LMNB1: variants seen among roughly 807,000 people sequenced by gnomAD.
The protein encoded by LMNB1 is lamin-B1.
A neutral mutation model predicts 67.1 loss-of-function variants in LMNB1; 23 were observed. That is an observed-to-expected ratio of 0.34 (90% CI 0.25 to 0.49). The LOEUF is 0.49. LMNB1 is among the 20% of genes least tolerant of loss of function. The pLI is 0.99. For missense variants in LMNB1, 634 were observed against 746.5 expected, an observed-to-expected ratio of 0.85 and a Z score of 1.76; for synonymous variants, 281 against 282.9, an observed-to-expected ratio of 0.99 and a Z score of 0.07.
chr5:126,800,982 A>ATTTTTTTTT (rs57114367), intron 1 of LMNB1, among the ~76,000 whole-genome samples: 282 of 18,558 alleles, frequency 0.015, 4 homozygotes, highest in East Asian at 0.026. Flanking sequence ...TATATATATA[A>ATTTTTTTTT]TTTTTTTTTT....
intron 6 of LMNB1, among the ~76,000 whole-genome samples, chr5:126,819,459 A>ACTAT (rs1554114883): frequency 9.8e-5 from 14 of 142,806 alleles, no homozygotes; most frequent in Non-Finnish European, 1.7e-4. Context: ...GACTTTACAT[A>ACTAT]TTATTTATTT....
chr5:126,832,830 T>C, intron 10 of LMNB1, 29 bp downstream of exon 10: 1 of 1,395,290 alleles, frequency 7.2e-7, no homozygotes, highest in Non-Finnish European at 9.7e-7. Context: ...AATATATTTA[T>C]TTCAAATTTT....
Position 126,777,674 on chromosome 5 carries a change from G to T in LMNB1, c.166G>T (p.Glu56Ter). The T allele has an allele frequency of 6.5e-7, 1 of 1,545,228 alleles. No individual in the cohort carries two copies. Among genetic ancestry groups the T allele is most frequent in the Non-Finnish European group, 8.7e-7 (1 of 1,144,966 alleles). Reference sequence around the variant, plus strand: ...CGACAAGGTGCGCAGCCTGGAGACGGAGAACAGCGCGCTGCAGCTGCAGGT... The same window carrying T: ...CGACAAGGTGCGCAGCCTGGAGACGTAGAACAGCGCGCTGCAGCTGCAGGT... ...YIDKVRSLET[E>*]NSALQLQVTE... Residue 56 changes from glutamate (E) to a stop codon, truncating the protein, a stop_gained, in exon 1 of 11, where the codon GAG becomes TAG. Coordinates refer to ENST00000261366, the MANE Select transcript of LMNB1 (RefSeq NM_005573.4). LOFTEE classifies it high-confidence loss of function.
intron 5 of LMNB1, among the ~76,000 whole-genome samples, chr5:126,812,368 A>G (rs1751598540): frequency 6.6e-6 from 1 of 152,266 alleles, no homozygotes. Context: ...AGGATCCAGG[A>G]AAGTAGCTTT....
chr5:126,798,762 A>T lies in LMNB1; in HGVS notation c.360-6014A>T, dbSNP rs904938904. On this transcript the variant is annotated intron_variant, in intron 1 of 10. Coordinates refer to ENST00000261366, the MANE Select transcript of LMNB1 (RefSeq NM_005573.4). Reference sequence around the variant, plus strand: ...ATTTTACATAGGATGAAAAAAGAGAAGTGTGTGTGTGTGTGTGTGTGTGCG... The same window carrying T: ...ATTTTACATAGGATGAAAAAAGAGATGTGTGTGTGTGTGTGTGTGTGTGCG... Among the ~76,000 whole-genome samples, 265 of 149,180 alleles carry T rather than the reference A, an allele frequency of 1.8e-3. 1 individual carries two copies. Among genetic ancestry groups the T allele is most frequent in the Non-Finnish European group, 3.0e-3 (204 of 67,214 alleles).
intron 1 of LMNB1, among the ~76,000 whole-genome samples, chr5:126,800,257 G>T (rs1751237013): frequency 6.6e-6 from 1 of 151,638 alleles, no homozygotes; most frequent in African/African-American, 2.4e-5. Context: ...TTAAAAAGAT[G>T]TATATACCAT....
Position 126,791,704 on chromosome 5 carries a change from T to C in LMNB1, c.360-13072T>C, listed in dbSNP as rs115020291. On this transcript the variant is annotated intron_variant, in intron 1 of 10. Transcript: ENST00000261366. Reference sequence around the variant, plus strand: ...CTGGTCTCAAACTCCTGAGCTCAAGTGGTCCTTCTGCCTCAGCCTCCCAAA... The same window carrying C: ...CTGGTCTCAAACTCCTGAGCTCAAGCGGTCCTTCTGCCTCAGCCTCCCAAA... 8.2e-3 allele frequency among the ~76,000 whole-genome samples: 1,252 copies of C among 152,104 alleles called. 15 individuals are homozygous for C. Among genetic ancestry groups the C allele is most frequent in the African/African-American group, 0.029 (1,200 of 41,428 alleles).
intron 3 of LMNB1, among the ~76,000 whole-genome samples, chr5:126,809,831 A>T (rs1284963730): frequency 6.6e-6 from 1 of 152,198 alleles, no homozygotes; most frequent in South Asian, 2.1e-4. Context: ...CAGAAAAATA[A>T]TTTTTGCTTA....
intron 5 of LMNB1, 44 bp downstream of exon 5, chr5:126,811,942 C>T (rs376585203): frequency 3.8e-5 from 60 of 1,584,172 alleles, no homozygotes; most frequent in Middle Eastern, 1.7e-4. Context: ...TGAAGGCTAC[C>T]TTCACCACGG....
rs532462602 is a variant in LMNB1, at chr5:126,820,193, T to C, written c.1161-717T>C. The stretch of plus-strand genomic sequence containing the variant: ...AGTTCCAAAAGGAAAGTGGCTGATT[T>C]AGGATAAAAAGCCAGATAATTTTAA... On this transcript the variant is annotated intron_variant, in intron 6 of 10. Transcript: ENST00000261366. Among the ~76,000 whole-genome samples, 9 of 152,210 alleles carry C rather than the reference T, an allele frequency of 5.9e-5. No individual in the cohort carries two copies. In the South Asian group the frequency reaches 1.9e-3, roughly 32 times the overall value.
chr5:126,787,546 A>ATATATATATATATATATAT, intron 1 of LMNB1, among the ~76,000 whole-genome samples: 6 of 65,572 alleles, frequency 9.2e-5, no homozygotes, highest in African/African-American at 2.0e-4. Context: ...ATATATATAT[A>ATATATATATATATATATAT]TTTTTTTTTT....
intron 1 of LMNB1, among the ~76,000 whole-genome samples, chr5:126,802,197 A>T (rs1174255969): frequency 6.6e-6 from 1 of 152,180 alleles, no homozygotes; most frequent in Non-Finnish European, 1.5e-5. Context: ...AGCTTTTATG[A>T]TGAGTAAAAA....
chr5:126,823,771 T>C (rs1281890118), intron 8 of LMNB1, among the ~76,000 whole-genome samples: 1 of 152,244 alleles, frequency 6.6e-6, no homozygotes, highest in Non-Finnish European at 1.5e-5. Flanking sequence ...TGTGAAAATA[T>C]CAAATGCTAA....
intron 9 of LMNB1, among the ~76,000 whole-genome samples, chr5:126,828,892 T>TA (rs1444735073): frequency 6.6e-6 from 1 of 152,112 alleles, no homozygotes; most frequent in Non-Finnish European, 1.5e-5. Flanking sequence ...AAACTTCTAA[T>TA]ACCTTCAGCT....
chr5:126,777,018 T>C (rs138982187), upstream of LMNB1: 1,653 of 153,338 alleles, frequency 0.011, 26 homozygotes, highest in African/African-American at 0.037. Context: ...GGTAGTCACG[T>C]GGAGGCGCCG....
At chr5:126,787,546 A>ATATATATATATTTTTTTTTTTT in intron 1 of LMNB1, among the ~76,000 whole-genome samples, 23 of 65,538 alleles carry the variant, frequency 3.5e-4, no homozygotes, top group Non-Finnish European at 4.6e-4. Context: ...ATATATATAT[A>ATATATATATATTTTTTTTTTTT]TTTTTTTTTT....
In LMNB1 at chr5:126,837,008, C is replaced by T; in HGVS notation, c.*744C>T. 2.5e-6 allele frequency: 1 copy of T among 397,222 alleles called. No homozygotes were observed. The highest frequency in any genetic ancestry group is 4.4e-6 in the Non-Finnish European group (1 of 225,330). 24.6% of individuals were successfully genotyped at this position (397,222 alleles called of 1,614,324 possible). On this transcript the variant is annotated 3_prime_UTR_variant, in exon 11 of 11. Transcript: ENST00000261366. ...TGTGACATTAACAAATAAAAAAGCT[C>T]TTTTAATATTGATATACTGTCCTTT...
chr5:126,811,590 ACT>A (rs1179965761), intron 4 of LMNB1, 181 bp from the exon 5 acceptor site: 3 of 446,156 alleles, frequency 6.7e-6, no homozygotes. Context: ...TTAGGAAGTG[ACT>A]CTAAAAGTCA....
At chr5:126,806,249 G>T (rs1055418527) in intron 3 of LMNB1, among the ~76,000 whole-genome samples, 1 of 152,144 alleles carries the variant, frequency 6.6e-6, no homozygotes, top group Admixed American at 6.5e-5. Context: ...CACCACATCC[G>T]GCCTCACTTC....
Sources: gnomAD v4.1 joint callset for allele counts (sites outside exome capture counted in the v4.1 genomes callset) on GRCh38, gnomAD v4.1.1 for gene constraint, MANE v1.5 for transcripts, NCBI Gene and HGNC (gene_info 2026-07-23, HGNC 2026-07-21) for gene names.